Variants in MYO15B observed in about 807,000 individuals in gnomAD.
MYO15B encodes myosin XVB pseudogene.
MYO15B carries 207 observed loss-of-function variants against 119.3 expected under a neutral mutation model. The ratio of observed to expected loss-of-function variants is 1.73; its 90% CI spans 1.55 to 1.95. The LOEUF (loss-of-function observed/expected upper bound fraction) is 1.95, where lower values mean the gene tolerates loss of function less well. MYO15B is among the 30% of genes most tolerant of loss of function. The pLI is 0.00. For synonymous variants in MYO15B, 966 were observed against 498.9 expected (o/e 1.94, Z -12.48); for missense variants, 2,264 against 1,203.1 (o/e 1.88, Z -13.04).
intron 1 of MYO15B, 38 bp downstream of exon 1, chr17:75,590,281 C>A (rs774011016): frequency 5.8e-5 from 23 of 398,942 alleles, no homozygotes; most frequent in African/African-American, 1.0e-4. Context: ...ATCCCCGGCT[C>A]ACAGCTCCTC....
chr17:75,621,267 G>C, intron 50 of MYO15B, 78 bp from the exon 51 acceptor site: 3 of 662,968 alleles, frequency 4.5e-6, no homozygotes, highest in Non-Finnish European at 2.8e-6. Context: ...TGTGCTCTTA[G>C]CACTCTCCCT....
Position 75,590,256 on chromosome 17 carries a change from G to A in MYO15B, c.2186+13G>A, listed in dbSNP as rs748743776. ...TGGCGCGGTTGCGGTTAGCGGGCGC[G>A]GTGCCAAAGCTGCCATCCCCGGCTC... On this transcript the variant is annotated intron_variant, in intron 1 of 63. Coordinates refer to ENST00000645453, the Ensembl canonical transcript of MYO15B. 2.3e-5 allele frequency: 9 copies of A among 398,960 alleles called. No individual in the cohort carries two copies. Among genetic ancestry groups the A allele is most frequent in the Admixed American group, 1.3e-4 (3 of 22,722 alleles). 24.7% of individuals were successfully genotyped at this position (398,960 alleles called of 1,614,324 possible). A position where few individuals can be genotyped will look rare whatever the true frequency, so the allele number is the denominator to read the frequency against.
rs548612067 is a variant in MYO15B at position 75,619,404 on chromosome 17, C to T, written c.7110C>T (p.Ser2370=). 438 of 702,704 alleles carry T rather than the reference C, an allele frequency of 6.2e-4. 2 individuals carry two copies. Among genetic ancestry groups the T allele is most frequent in the African/African-American group, 6.2e-3 (354 of 57,328 alleles). The allele number at this position is 702,704 out of a possible 1,614,324, so 43.5% of individuals were successfully genotyped here. ...ATTCTCTCACCACCACCGAAGACAG[C>T]GTCAAGAAGCGCATCGTGGTGGCCG... The change falls in exon 45 of 64, where the codon AGC becomes AGT. Residue 2370 remains serine (S), a synonymous_variant. Transcript: ENST00000645453.
intron 12 of MYO15B, 93 bp downstream of exon 12, chr17:75,595,065 A>G: frequency 1.5e-6 from 1 of 658,776 alleles, no homozygotes; most frequent in Non-Finnish European, 2.8e-6. Context: ...CCCTGGGGGC[A>G]CTCGCGAGGT....
chr17:75,604,087 A>G (rs971756186), intron 19 of MYO15B, among the ~76,000 whole-genome samples: 5 of 152,168 alleles, frequency 3.3e-5, no homozygotes, highest in Admixed American at 6.5e-5. Context: ...GGGACTGAGC[A>G]AAAGGCAGGC....
intron 14 of MYO15B, among the ~76,000 whole-genome samples, chr17:75,598,809 C>T (rs992258132): frequency 6.6e-6 from 1 of 152,020 alleles, no homozygotes; most frequent in Non-Finnish European, 1.5e-5. Flanking sequence ...AAACTTGTCA[C>T]GAGTGTCTTT....
At chr17:75,617,713 G>C (rs903790902) in intron 41 of MYO15B, 97 bp from the exon 42 acceptor site, 2 of 614,552 alleles carry the variant, frequency 3.3e-6, no homozygotes, top group Admixed American at 2.6e-5. Context: ...CCGGGCCCTT[G>C]GAAGGCTCGT....
At chr17:75,616,010 G>A in intron 36 of MYO15B, 59 bp from the exon 37 acceptor site, 2 of 588,236 alleles carry the variant, frequency 3.4e-6, no homozygotes, top group East Asian at 2.9e-5. Flanking sequence ...GGACCCGAGG[G>A]GTGTGGCGAG....
exon 52 of MYO15B, chr17:75,621,545 C>T: frequency 1.4e-6 from 1 of 702,076 alleles, no homozygotes; most frequent in South Asian, 1.5e-5. Context: ...ATGATGTGAG[C>T]AAGCTGGCTG....
At chr17:75,618,091 C>T in intron 42 of MYO15B, 35 bp from the exon 43 acceptor site, 1 of 702,732 alleles carries the variant, frequency 1.4e-6, no homozygotes, top group South Asian at 1.5e-5. Flanking sequence ...AGGCACCAGA[C>T]CCACCGATCT....
chr17:75,620,393 G>C (rs2058638488), intron 48 of MYO15B, 36 bp downstream of exon 48: 2 of 702,768 alleles, frequency 2.8e-6, no homozygotes, highest in South Asian at 3.0e-5. Flanking sequence ...CACACAGGGA[G>C]GGCATCCACT....
rs376159456 is a variant in MYO15B, at chr17:75,624,070, C to T, written c.8272+6C>T. ...GGATTCAGGCCCCAGCCAAGGTGCC[C>T]GTGGGAAGGGGAGATGGAGGAGAGG... On this transcript the variant is annotated splice_donor_region_variant and intron_variant, in intron 55 of 63. Coordinates refer to ENST00000645453, the Ensembl canonical transcript of MYO15B. 3.2e-3 allele frequency: 2,227 copies of T among 702,994 alleles called. 8 individuals are homozygous for T. Among genetic ancestry groups the T allele is most frequent in the Non-Finnish European group, 3.5e-3 (1,354 of 384,974 alleles). 43.5% of individuals were successfully genotyped at this position (702,994 alleles called of 1,614,324 possible). A position where few individuals can be genotyped will look rare whatever the true frequency, so the allele number is the denominator to read the frequency against.
chr17:75,615,936 G>A (rs1598878878), intron 36 of MYO15B, 52 bp downstream of exon 36: 4 of 619,568 alleles, frequency 6.5e-6, no homozygotes, highest in Non-Finnish European at 1.2e-5. Context: ...GGGACTGCAG[G>A]GGCAGGGGAC....
exon 59 of MYO15B, chr17:75,624,880 C>G: frequency 1.4e-6 from 1 of 703,034 alleles, no homozygotes; most frequent in South Asian, 1.5e-5. Context: ...CACTGCACTT[C>G]GATAACTCCA....
At chr17:75,625,864 C>T (rs1273138860) in exon 62 of MYO15B, 1 of 702,908 alleles carries the variant, frequency 1.4e-6, no homozygotes, top group Non-Finnish European at 2.6e-6. Context: ...CCAGCTGCCC[C>T]TCTTCGGCTA....
chr17:75,625,862 C>A (rs769353991), exon 62 of MYO15B: 1 of 702,974 alleles, frequency 1.4e-6, no homozygotes, highest in East Asian at 2.7e-5. Context: ...AGCCAGCTGC[C>A]CCTCTTCGGC....
chr17:75,598,541 A>G (rs1247937862), intron 14 of MYO15B, among the ~76,000 whole-genome samples: 2 of 17,506 alleles, frequency 1.1e-4, no homozygotes, highest in Non-Finnish European at 1.5e-4. Context: ...AAAAAAAAAA[A>G]AAAAAGAAAA....
At chr17:75,590,013 C>T (rs1038027674) in exon 1 of MYO15B, 4 of 398,702 alleles carry the variant, frequency 1.0e-5, no homozygotes, top group African/African-American at 4.1e-5. Context: ...TTGGCGCCGC[C>T]GTGCTGCTAC....
chr17:75,626,201 C>T lies in MYO15B; in HGVS notation c.9186C>T (p.Pro3062=), dbSNP rs561881268. Residue 3062 remains proline (P), a synonymous_variant, in exon 63 of 64, where the codon CCC becomes CCT. Coordinates refer to ENST00000645453, the Ensembl canonical transcript of MYO15B. Reference sequence around the variant, plus strand: ...TCAACTATGGCTCAGCTGACAACCCCCAGACCATCTGGTTTGAGCTGCCAC... The same window carrying T: ...TCAACTATGGCTCAGCTGACAACCCTCAGACCATCTGGTTTGAGCTGCCAC... The T allele has an allele frequency of 6.4e-4, 450 of 703,080 alleles. 1 individual carries two copies. The African/African-American group carries it at 6.5e-3, about 10-fold the overall frequency. The allele number at this position is 703,080 out of a possible 1,614,324, so 43.6% of individuals were successfully genotyped here.
Sources: allele counts gnomAD v4.1 joint callset (sites outside exome capture counted in the v4.1 genomes callset), GRCh38; gene constraint gnomAD v4.1.1; transcripts MANE v1.5; gene names NCBI Gene and HGNC (gene_info 2026-07-23, HGNC 2026-07-21).